Variants in RBL2 observed in about 807,000 individuals in gnomAD.
RBL2 encodes the protein retinoblastoma-like protein 2.
A neutral mutation model predicts 126.0 loss-of-function variants in RBL2; 56 were observed. That is an observed-to-expected ratio of 0.44 (90% confidence interval 0.36 to 0.56). RBL2 has a LOEUF of 0.56. Among genes scored for constraint, RBL2 ranks in the 20% least tolerant of loss-of-function variants. RBL2 has a pLI of 0.00. For synonymous variants in RBL2, 454 were observed against 478.5 expected (o/e 0.95, Z 0.67); for missense variants, 1,229 against 1,398.2 (o/e 0.88, Z 1.93).
intron 4 of RBL2, 46 bp from the exon 5 acceptor site, chr16:53,451,657 C>A (rs771248856): frequency 1.3e-6 from 2 of 1,576,830 alleles, no homozygotes; most frequent in Non-Finnish European, 1.7e-6. Context: ...AAAAATGTTA[C>A]AAAGTCAATG....
intron 1 of RBL2, chr16:53,435,527 A>G: frequency 8.5e-7 from 1 of 1,174,778 alleles, no homozygotes; most frequent in Non-Finnish European, 1.1e-6. Flanking sequence ...GGGCTTGCAG[A>G]TGAGAAAAAT....
intron 21 of RBL2, 83 bp from the exon 22 acceptor site, chr16:53,490,047 T>TTAAC: frequency 8.9e-7 from 1 of 1,122,412 alleles, no homozygotes; most frequent in South Asian, 2.0e-5. Context: ...GGTAAACTGC[T>TTAAC]TAACTCATTT....
At chr16:53,474,242 C>T (rs1296671848) in intron 17 of RBL2, among the ~76,000 whole-genome samples, 1 of 152,206 alleles carries the variant, frequency 6.6e-6, no homozygotes, top group Non-Finnish European at 1.5e-5. Flanking sequence ...CCTCATGCCT[C>T]AGCCTCCCAA....
chr16:53,444,102 A>AGC (rs757121477), intron 3 of RBL2, among the ~76,000 whole-genome samples: 1 of 151,370 alleles, frequency 6.6e-6, no homozygotes, highest in Non-Finnish European at 1.5e-5. Flanking sequence ...TACAAAAATT[A>AGC]GCTGTGCGTG....
Position 53,453,534 on chromosome 16 carries a change from T to C in RBL2, c.849T>C (p.His283=). 6.2e-7 allele frequency: 1 copy of C among 1,613,426 alleles called. No homozygotes were observed. Among genetic ancestry groups the C allele is most frequent in the Non-Finnish European group, 8.5e-7 (1 of 1,179,500 alleles). The part of the protein sequence containing the change: ...PCIIEKLCSL[H]DGLVLEAKGI... ...TCATTGAGAAACTGTGTTCCTTACA[T>C]GATGGCCTAGTTTTGGAAGCAAAGG... Residue 283 remains histidine, a synonymous_variant, in exon 6 of 22, where the codon CAT becomes CAC. Transcript: ENST00000262133.
chr16:53,485,558 C>G (rs1274455782), intron 21 of RBL2, among the ~76,000 whole-genome samples: 3 of 152,106 alleles, frequency 2.0e-5, no homozygotes, highest in East Asian at 3.9e-4. Context: ...CAAACAAAAG[C>G]TCGGTTTTTT....
intron 21 of RBL2, chr16:53,488,700 T>G (rs558547444): frequency 1.3e-5 from 2 of 152,304 alleles, no homozygotes; most frequent in African/African-American, 4.8e-5. Context: ...TGAAGACTGA[T>G]CATTAGTGAT....
chr16:53,458,467 TGA>T (rs2058189445), intron 8 of RBL2, among the ~76,000 whole-genome samples: 1 of 152,170 alleles, frequency 6.6e-6, no homozygotes, highest in Non-Finnish European at 1.5e-5. Flanking sequence ...GGAGAACCTG[TGA>T]TAGATTCTGG....
chr16:53,434,902 C>T (rs571613903), intron 1 of RBL2, 106 bp downstream of exon 1: 8 of 1,382,974 alleles, frequency 5.8e-6, no homozygotes, highest in Non-Finnish European at 6.5e-6. Flanking sequence ...TGCGGGCTCC[C>T]AGCCCCGAGA....
intron 7 of RBL2, 24 bp downstream of exon 7, chr16:53,453,793 T>C (rs772196023): frequency 3.9e-6 from 6 of 1,532,068 alleles, no homozygotes; most frequent in Non-Finnish European, 4.4e-6. Flanking sequence ...TATAAAATGT[T>C]TTAATATTTT....
At chr16:53,451,055 C>T (rs1299191455) in intron 4 of RBL2, among the ~76,000 whole-genome samples, 1 of 152,020 alleles carries the variant, frequency 6.6e-6, no homozygotes, top group African/African-American at 2.4e-5. Context: ...CAATTTCTTA[C>T]AGTTTGAGAT....
intron 13 of RBL2, 181 bp from the exon 14 acceptor site, chr16:53,466,877 T>A (rs1202771789): frequency 3.8e-6 from 2 of 529,246 alleles, no homozygotes; most frequent in African/African-American, 4.0e-5. Flanking sequence ...AATTACAAGG[T>A]TTTGAATTTT....
At chr16:53,441,859 T>C (rs2058019426) in intron 2 of RBL2, among the ~76,000 whole-genome samples, 3 of 152,146 alleles carry the variant, frequency 2.0e-5, no homozygotes, top group Admixed American at 2.0e-4. Context: ...TCTCGCATTG[T>C]CGCCAGGCTG....
intron 1 of RBL2, among the ~76,000 whole-genome samples, chr16:53,436,696 C>A (rs1277420401): frequency 6.6e-6 from 1 of 152,156 alleles, no homozygotes; most frequent in Non-Finnish European, 1.5e-5. Context: ...GCATTTTTAA[C>A]CTGTAACTCA....
At chr16:53,481,940 C>A (rs1960968381) in intron 21 of RBL2, 105 bp downstream of exon 21, 1 of 1,338,630 alleles carries the variant, frequency 7.5e-7, no homozygotes, top group Non-Finnish European at 1.1e-6. Context: ...ATGAGAGCTG[C>A]CAGGGAGCAG....
At chr16:53,461,984 TC>T (rs765768335) in intron 10 of RBL2, 134 bp downstream of exon 10, 18 of 693,552 alleles carry the variant, frequency 2.6e-5, no homozygotes, top group South Asian at 2.0e-4. Flanking sequence ...GTCCAATTTT[TC>T]TGGTCAACCA....
intron 4 of RBL2, chr16:53,449,571 T>TTGAGACCG: frequency 6.7e-6 from 1 of 149,402 alleles, no homozygotes; most frequent in East Asian, 1.9e-4. Context: ...CTGGGCGACT[T>TTGAGACCG]TGAGACCGTG....
intron 4 of RBL2, among the ~76,000 whole-genome samples, chr16:53,448,478 T>TTTTTTA (rs1351012419): frequency 3.3e-5 from 5 of 150,454 alleles, no homozygotes; most frequent in Non-Finnish European, 4.4e-5. Context: ...ATTTACTTTA[T>TTTTTTA]TTTTTATTTT....
At position 53,462,298 on chromosome 16, in the gene RBL2, A is replaced by AG. The variant is rs1291364340; in HGVS notation, c.1457-251dup. On this transcript the variant is annotated intron_variant, in intron 10 of 21. Transcript: ENST00000262133. ...TTTGTTCAAACATAGAGGAAAAAAA[A>AG]GGGTGTTAGTCTTAAATGATATTAC... is the stretch of plus-strand genomic sequence containing the variant. 6.3e-4 allele frequency among the ~76,000 whole-genome samples: 96 copies of AG among 152,302 alleles called. 1 individual carries two copies. The highest frequency in any genetic ancestry group is 4.4e-5 in the Non-Finnish European group (3 of 68,030).
Sources: gnomAD v4.1 joint callset for allele counts (sites outside exome capture counted in the v4.1 genomes callset) on GRCh38, gnomAD v4.1.1 for gene constraint, MANE v1.5 for transcripts, NCBI Gene and HGNC (gene_info 2026-07-23, HGNC 2026-07-21) for gene names.